Variants in H2BN1 observed in about 807,000 individuals in gnomAD.
The protein encoded by H2BN1 is histone H2B.N.
the H2BN1 span, among the ~76,000 whole-genome samples, chr17:32,903,893 G>GT: frequency 6.6e-6 from 1 of 152,142 alleles, no homozygotes; most frequent in South Asian, 2.1e-4. Context: ...GTGGCCTCAG[G>GT]TTTTTTGTGT....
At chr17:32,903,784 G>A in the H2BN1 span, among the ~76,000 whole-genome samples, 2 of 152,180 alleles carry the variant, frequency 1.3e-5, no homozygotes, top group African/African-American at 2.4e-5. Context: ...AAGTAGAGGT[G>A]TCATAAAACC....
At chr17:32,897,358 TACACACACACACACACAC>T in the H2BN1 span, among the ~76,000 whole-genome samples, 12 of 124,058 alleles carry the variant, frequency 9.7e-5, no homozygotes, top group South Asian at 3.0e-4. Flanking sequence ...CTCTCTGTCT[TACACACACACACACACAC>T]ACACACACAC....
At chr17:32,903,235 T>C in the H2BN1 span, among the ~76,000 whole-genome samples, 6 of 151,770 alleles carry the variant, frequency 4.0e-5, no homozygotes, top group Admixed American at 6.6e-5. Flanking sequence ...ATAGATGTAT[T>C]AGGCATGCCA....
At chr17:32,896,935 G>A in the H2BN1 span, among the ~76,000 whole-genome samples, 1 of 152,212 alleles carries the variant, frequency 6.6e-6, no homozygotes, top group Non-Finnish European at 1.5e-5. Context: ...GGGAGTACTT[G>A]CATTAAGTAG....
the H2BN1 span, among the ~76,000 whole-genome samples, chr17:32,904,683 C>T: frequency 1.3e-5 from 2 of 152,122 alleles, no homozygotes; most frequent in Admixed American, 6.5e-5. Context: ...TCATTAGAAG[C>T]CTCCTCTAGA....
the H2BN1 span, among the ~76,000 whole-genome samples, chr17:32,901,215 T>G: frequency 6.7e-6 from 1 of 148,844 alleles, no homozygotes; most frequent in Non-Finnish European, 1.5e-5. Context: ...TCAAAAAAAA[T>G]TTTTTTTTTT....
chr17:32,905,711 T>C, the H2BN1 span: 1 of 152,168 alleles, frequency 6.6e-6, no homozygotes, highest in African/African-American at 2.4e-5. Context: ...ATTGGTTCCA[T>C]CTGGAAAGGG....
chr17:32,899,969 C>G, the H2BN1 span, among the ~76,000 whole-genome samples: 8 of 152,218 alleles, frequency 5.3e-5, no homozygotes, highest in Non-Finnish European at 8.8e-5. Context: ...TCAAGAGGAT[C>G]TGTTAGAGCT....
chr17:32,896,411 T>G, the H2BN1 span, among the ~76,000 whole-genome samples: 4 of 152,084 alleles, frequency 2.6e-5, no homozygotes, highest in Non-Finnish European at 5.9e-5. Context: ...CATAAGAAAT[T>G]GGTAGAAAAC....
the H2BN1 span, among the ~76,000 whole-genome samples, chr17:32,895,964 CAT>C: frequency 6.6e-6 from 1 of 152,168 alleles, no homozygotes; most frequent in African/African-American, 2.4e-5. Flanking sequence ...TTGTTGCAAT[CAT>C]AGCTCACTGC....
the H2BN1 span, among the ~76,000 whole-genome samples, chr17:32,898,518 A>G: frequency 6.6e-6 from 1 of 152,160 alleles, no homozygotes; most frequent in African/African-American, 2.4e-5. Context: ...TTTTCCCTTT[A>G]GTGATTTTGG....
At chr17:32,905,269 C>T in the H2BN1 span, among the ~76,000 whole-genome samples, 20 of 152,148 alleles carry the variant, frequency 1.3e-4, no homozygotes, top group African/African-American at 4.8e-4. Context: ...AGGAGTTGTA[C>T]AGCAAAATAA....
At chr17:32,903,590 T>C in the H2BN1 span, among the ~76,000 whole-genome samples, 14,215 of 152,220 alleles carry the variant, frequency 0.093, 1,291 homozygotes, top group African/African-American at 0.23. Flanking sequence ...GCAAAATGAA[T>C]ATGTTGGATC....
At chr17:32,899,790 G>C in the H2BN1 span, among the ~76,000 whole-genome samples, 4 of 152,016 alleles carry the variant, frequency 2.6e-5, no homozygotes, top group African/African-American at 9.7e-5. Flanking sequence ...CCTTGACTAT[G>C]AAAAAAACAA....
chr17:32,904,767 T>C, the H2BN1 span, among the ~76,000 whole-genome samples: 2 of 152,150 alleles, frequency 1.3e-5, no homozygotes, highest in African/African-American at 4.8e-5. Flanking sequence ...GAACTTTTTT[T>C]TTTTTTTAAG....
the H2BN1 span, among the ~76,000 whole-genome samples, chr17:32,898,369 A>G: frequency 6.6e-6 from 1 of 152,226 alleles, no homozygotes; most frequent in African/African-American, 2.4e-5. Context: ...TCATAGGTAG[A>G]TAGGAGACAA....
At chr17:32,897,358 T>TACACACACACACACAC in the H2BN1 span, among the ~76,000 whole-genome samples, 136 of 124,056 alleles carry the variant, frequency 1.1e-3, no homozygotes, top group African/African-American at 2.5e-3. Flanking sequence ...CTCTCTGTCT[T>TACACACACACACACAC]ACACACACAC....
At chr17:32,903,874 A>G in the H2BN1 span, among the ~76,000 whole-genome samples, 1 of 151,814 alleles carries the variant, frequency 6.6e-6, no homozygotes, top group Non-Finnish European at 1.5e-5. Flanking sequence ...GAAGAGGGGG[A>G]ACTGAGCTGT....
the H2BN1 span, among the ~76,000 whole-genome samples, chr17:32,898,822 T>G: frequency 1.3e-5 from 2 of 152,208 alleles, no homozygotes; most frequent in African/African-American, 4.8e-5. Context: ...GTCCATACTT[T>G]AGTAGGCAGG....
Sources: gnomAD v4.1 joint callset for allele counts (sites outside exome capture counted in the v4.1 genomes callset) on GRCh38, gnomAD v4.1.1 for gene constraint, MANE v1.5 for transcripts, NCBI Gene and HGNC (gene_info 2026-07-23, HGNC 2026-07-21) for gene names.